Variants in CAP2 observed in about 807,000 individuals in gnomAD.
The protein encoded by CAP2 is adenylyl cyclase-associated protein 2.
A neutral mutation model predicts 57.7 loss-of-function variants in CAP2; 24 were observed. That is an observed-to-expected ratio of 0.42 (90% CI 0.30 to 0.58). The LOEUF is 0.58. Among genes scored for constraint, CAP2 ranks in the 20% least tolerant of loss-of-function variants. The pLI is 0.22. For missense variants in CAP2, 501 were observed against 590.3 expected (o/e 0.85, Z 1.57); for synonymous variants, 194 against 207.2 (o/e 0.94, Z 0.55).
At chr6:17,520,465 A>G (rs576556047) in intron 7 of CAP2, among the ~76,000 whole-genome samples, 9 of 152,230 alleles carry the variant, frequency 5.9e-5, no homozygotes, top group East Asian at 1.9e-4. Context: ...CCTATACACT[A>G]TCATCCATCC....
chr6:17,496,634 C>T (rs1293971873), intron 4 of CAP2, among the ~76,000 whole-genome samples: 1 of 152,096 alleles, frequency 6.6e-6, no homozygotes, highest in Non-Finnish European at 1.5e-5. Context: ...CTGTTTGCTC[C>T]TGAGAATAAC....
intron 4 of CAP2, among the ~76,000 whole-genome samples, chr6:17,496,033 G>GGGA (rs1554127023): frequency 3.2e-5 from 4 of 126,688 alleles, no homozygotes; most frequent in Non-Finnish European, 3.2e-5. Context: ...TGGGTGGGGG[G>GGGA]GGGGGGTAAG....
intron 1 of CAP2, among the ~76,000 whole-genome samples, chr6:17,406,439 G>A (rs1276398057): frequency 7.3e-6 from 1 of 136,378 alleles, no homozygotes; most frequent in African/African-American, 2.9e-5. Flanking sequence ...TGTCGCCCAG[G>A]CTGGAGTGCA....
intron 4 of CAP2, among the ~76,000 whole-genome samples, chr6:17,484,774 A>G (rs1487781085): frequency 6.6e-6 from 1 of 152,196 alleles, no homozygotes; most frequent in African/African-American, 2.4e-5. Flanking sequence ...AAAACCCAGT[A>G]GAGAAAGTGG....
rs10557884 is a variant in CAP2 at position 17,550,394 on chromosome 6, C to CTTT, written c.1210-1045_1210-1043dup. On this transcript the variant is annotated intron_variant, in intron 11 of 12. Coordinates refer to ENST00000229922, the MANE Select transcript of CAP2 (RefSeq NM_006366.3). ...GTACCTGACCTTGAACTACCCCTGC[C>CTTT]TTTTTTTTTTTTTTTTTTTTTTTTT... Among the ~76,000 whole-genome samples, 226 of 52,044 alleles carry CTTT rather than the reference C, an allele frequency of 4.3e-3. 68 individuals are homozygous for CTTT. The East Asian group carries it at 0.07, about 16-fold the overall frequency. The allele number at this position is 52,044 out of a possible 152,430, so 34.1% of individuals were successfully genotyped here. A position where few individuals can be genotyped will look rare whatever the true frequency, so the allele number is the denominator to read the frequency against.
At chr6:17,527,325 G>A (rs1762534742) in intron 7 of CAP2, among the ~76,000 whole-genome samples, 2 of 152,104 alleles carry the variant, frequency 1.3e-5, no homozygotes, top group South Asian at 4.1e-4. Flanking sequence ...TCTTGAGTTT[G>A]TTTCTTTGAT....
At position 17,556,720 on chromosome 6, in the gene CAP2, C is replaced by T. The variant is rs1763322915; in HGVS notation, c.*278C>T. The T allele has an allele frequency of 5.0e-6, 2 of 399,162 alleles. No individual in the cohort carries two copies. The allele number at this position is 399,162 out of a possible 1,614,324, so 24.7% of individuals were successfully genotyped here. ...GAAAAAAAAAAAGAATTCTGTTCCC[C>T]TCATATCATGAACACAGTAACTGAT... On this transcript the variant is annotated 3_prime_UTR_variant, in exon 13 of 13. Transcript: ENST00000229922.
intron 6 of CAP2, among the ~76,000 whole-genome samples, chr6:17,509,241 TGTA>T (rs1762078256): frequency 6.6e-6 from 1 of 152,190 alleles, no homozygotes; most frequent in Non-Finnish European, 1.5e-5. Flanking sequence ...TCACTTTTTT[TGTA>T]GATTTTTTTA....
intron 3 of CAP2, among the ~76,000 whole-genome samples, chr6:17,437,670 AG>A (rs1423190736): frequency 2.0e-5 from 3 of 151,824 alleles, no homozygotes; most frequent in Middle Eastern, 3.2e-3. Flanking sequence ...TGAGGTCAAA[AG>A]ATCAAGACCA....
chr6:17,479,473 G>C (rs1330676233), intron 4 of CAP2, among the ~76,000 whole-genome samples: 2 of 151,762 alleles, frequency 1.3e-5, no homozygotes, highest in African/African-American at 4.8e-5. Context: ...GGGAGGATGA[G>C]AGTGAAGAAG....
chr6:17,468,969 T>C (rs1760945681), intron 4 of CAP2, among the ~76,000 whole-genome samples: 1 of 152,272 alleles, frequency 6.6e-6, no homozygotes, highest in South Asian at 2.1e-4. Flanking sequence ...AAGAGTTGTA[T>C]GTCAAAATAA....
intron 4 of CAP2, chr6:17,493,447 C>T (rs1761591766): frequency 6.4e-6 from 2 of 310,576 alleles, no homozygotes; most frequent in Non-Finnish European, 1.3e-5. Context: ...TCACCGCCAA[C>T]CACAGACTGT....
intron 1 of CAP2, among the ~76,000 whole-genome samples, chr6:17,403,428 C>T (rs1457131987): frequency 6.6e-6 from 1 of 152,204 alleles, no homozygotes; most frequent in African/African-American, 2.4e-5. Flanking sequence ...AATAAGTATA[C>T]ACATCCACAT....
chr6:17,477,478 G>A (rs1761180939), intron 4 of CAP2, among the ~76,000 whole-genome samples: 1 of 152,180 alleles, frequency 6.6e-6, no homozygotes, highest in South Asian at 2.1e-4. Flanking sequence ...CCAGACCCCA[G>A]ATATTTAAGA....
At position 17,539,373 on chromosome 6, in the gene CAP2, C is replaced by T. The variant is rs150167032; in HGVS notation, c.741C>T (p.Phe247=). The T allele has an allele frequency of 1.9e-5, 30 of 1,614,066 alleles. No individual in the cohort carries two copies. Among genetic ancestry groups the T allele is most frequent in the African/African-American group, 9.3e-5 (7 of 74,914 alleles). The part of the protein sequence containing the change: ...PLPPPGPPPL[F]ENEGKKEESS... ...CTCCTCCAGGGCCACCTCCACTTTT[C>T]GAGAATGAAGGCAAAAAAGAGGAAT... is the stretch of plus-strand genomic sequence containing the variant. The change falls in exon 8 of 13, where the codon TTC becomes TTT. Residue 247 remains phenylalanine, a synonymous_variant. Coordinates refer to ENST00000229922, the MANE Select transcript of CAP2 (RefSeq NM_006366.3).
chr6:17,469,823 A>G (rs1185646655), intron 4 of CAP2, among the ~76,000 whole-genome samples: 1 of 152,196 alleles, frequency 6.6e-6, no homozygotes, highest in South Asian at 2.1e-4. Context: ...GCACATGCCC[A>G]GCACAGTCCT....
At chr6:17,448,060 T>A (rs911866307) in intron 3 of CAP2, among the ~76,000 whole-genome samples, 1 of 152,260 alleles carries the variant, frequency 6.6e-6, no homozygotes, top group Admixed American at 6.5e-5. Context: ...CTGGAATATA[T>A]CTTCTATGTG....
At chr6:17,423,800 A>G (rs1442818004) in intron 2 of CAP2, among the ~76,000 whole-genome samples, 1 of 152,212 alleles carries the variant, frequency 6.6e-6, no homozygotes, top group African/African-American at 2.4e-5. Context: ...TTTCTCATAT[A>G]ACAAATCGTT....
intron 3 of CAP2, among the ~76,000 whole-genome samples, chr6:17,448,211 T>C (rs1391658115): frequency 6.6e-6 from 1 of 152,282 alleles, no homozygotes; most frequent in Non-Finnish European, 1.5e-5. Context: ...CTGATTTTTC[T>C]GAGCGGCCTT....
Sources: allele counts gnomAD v4.1 joint callset (sites outside exome capture counted in the v4.1 genomes callset), GRCh38; gene constraint gnomAD v4.1.1; transcripts MANE v1.5; gene names NCBI Gene and HGNC (gene_info 2026-07-23, HGNC 2026-07-21).